Variants in EXOC6B observed in about 807,000 individuals in gnomAD.
The protein encoded by EXOC6B is exocyst complex component 6B, also known as SEC15 homolog B.
EXOC6B carries 54 observed loss-of-function variants against 113.5 expected under a neutral mutation model. The ratio of observed to expected loss-of-function variants is 0.48; its 90% CI spans 0.38 to 0.60. EXOC6B has a LOEUF of 0.60. Ranked by LOEUF, EXOC6B falls within the 20% of genes least tolerant of loss-of-function variation. The probability of loss-of-function intolerance (pLI) is 0.00; values close to 1 mark genes in which losing one functional copy is unlikely to be tolerated. For missense variants in EXOC6B, 797 were observed against 977.5 expected (o/e 0.82, Z 2.46); for synonymous variants, 357 against 339.0 (o/e 1.05, Z -0.58).
chr2:72,469,818 T>C (rs1458457068), intron 17 of EXOC6B, among the ~76,000 whole-genome samples: 5 of 152,124 alleles, frequency 3.3e-5, no homozygotes, highest in Admixed American at 6.5e-5. Context: ...TTCTGCCTCC[T>C]GGATTTGTCA....
intron 16 of EXOC6B, among the ~76,000 whole-genome samples, chr2:72,487,106 T>A (rs1417994239): frequency 6.6e-6 from 1 of 152,202 alleles, no homozygotes; most frequent in Non-Finnish European, 1.5e-5. Flanking sequence ...GCTTCCCTTA[T>A]TGTTAACATC....
intron 11 of EXOC6B, among the ~76,000 whole-genome samples, chr2:72,504,382 A>G (rs1700491753): frequency 6.6e-6 from 1 of 152,162 alleles, no homozygotes; most frequent in Admixed American, 6.5e-5. Context: ...TTCTCTCAAC[A>G]TTATATAAGT....
At position 72,575,610 on chromosome 2, in the gene EXOC6B, T is replaced by G; in HGVS notation, c.728A>C (p.Lys243Thr). The G allele has an allele frequency of 6.2e-7, 1 of 1,610,364 alleles. No individual in the cohort carries two copies. Among genetic ancestry groups the G allele is most frequent in the Non-Finnish European group, 8.5e-7 (1 of 1,178,528 alleles). The change falls in exon 7 of 22, where the codon AAG becomes ACG. Residue 243 changes from lysine (K) to threonine (T), a missense_variant. Transcript: ENST00000272427. ...ATATGCATCTTTCTTAGATTTCCTC[T>G]TGCTACCTATTCTGGGTTGTTGCAA... is the stretch of plus-strand genomic sequence containing the variant. Reference protein sequence around the residue: ...IVLQQPRIGSKRKSKKDAYII... With the variant: ...IVLQQPRIGSTRKSKKDAYII...
intron 18 of EXOC6B, among the ~76,000 whole-genome samples, chr2:72,420,988 T>C (rs1263415859): frequency 1.3e-5 from 2 of 152,310 alleles, no homozygotes; most frequent in African/African-American, 4.8e-5. Context: ...TAATGGCCAT[T>C]GATGATGAGC....
intron 1 of EXOC6B, among the ~76,000 whole-genome samples, chr2:72,768,542 T>A (rs1286352785): frequency 6.6e-6 from 1 of 151,844 alleles, no homozygotes; most frequent in Admixed American, 6.6e-5. Flanking sequence ...AGACCTCAGG[T>A]GATCCCCCCG....
At chr2:72,498,413 T>C (rs1700149203) in intron 13 of EXOC6B, 41 bp downstream of exon 13, 2 of 1,410,266 alleles carry the variant, frequency 1.4e-6, no homozygotes, top group Non-Finnish European at 2.0e-6. Context: ...TACACTAATG[T>C]ACATGAACAC....
intron 16 of EXOC6B, among the ~76,000 whole-genome samples, chr2:72,485,388 G>GA (rs1386485780): frequency 6.6e-6 from 1 of 152,154 alleles, no homozygotes; most frequent in African/African-American, 2.4e-5. Context: ...AAGAAAATGA[G>GA]AAGTCACACT....
At position 72,671,551 on chromosome 2, in the gene EXOC6B, C is replaced by T. The variant is rs116630237; in HGVS notation, c.669+46552G>A. 4.7e-3 allele frequency among the ~76,000 whole-genome samples: 720 copies of T among 151,634 alleles called. 5 individuals are homozygous for T. Among genetic ancestry groups the T allele is most frequent in the African/African-American group, 0.016 (662 of 41,340 alleles). The stretch of plus-strand genomic sequence containing the variant: ...CTCTACTAAAAAAAAATAAGTAATT[C>T]GCCGGGCGTGGTGGTGGGTGCCTGT... On this transcript the variant is annotated intron_variant, in intron 6 of 21. Coordinates refer to ENST00000272427, the MANE Select transcript of EXOC6B (RefSeq NM_015189.3).
chr2:72,187,118 T>G (rs900584173), intron 20 of EXOC6B, among the ~76,000 whole-genome samples: 4 of 152,122 alleles, frequency 2.6e-5, no homozygotes, highest in Admixed American at 1.3e-4. Flanking sequence ...ACCAATTCTC[T>G]GTGAGAATGC....
chr2:72,239,679 C>T (rs1682183240), intron 20 of EXOC6B, among the ~76,000 whole-genome samples: 1 of 152,146 alleles, frequency 6.6e-6, no homozygotes, highest in African/African-American at 2.4e-5. Context: ...TTAAGATCAG[C>T]TTATCAATTT....
intron 6 of EXOC6B, among the ~76,000 whole-genome samples, chr2:72,662,121 G>A (rs1675067856): frequency 7.5e-6 from 1 of 133,552 alleles, no homozygotes; most frequent in Non-Finnish European, 1.6e-5. Context: ...GGGGGGAGGG[G>A]GGAAAGGAAG....
chr2:72,518,516 GT>G (rs1701328870), intron 8 of EXOC6B, among the ~76,000 whole-genome samples: 2 of 151,544 alleles, frequency 1.3e-5, no homozygotes, highest in Non-Finnish European at 2.9e-5. Context: ...GTGTGTGTGT[GT>G]GTGGTGGGTG....
intron 5 of EXOC6B, among the ~76,000 whole-genome samples, chr2:72,728,987 A>G (rs1245925812): frequency 6.6e-6 from 1 of 152,098 alleles, no homozygotes; most frequent in Non-Finnish European, 1.5e-5. Flanking sequence ...GAGGGTAGAT[A>G]TTTTTATCTA....
chr2:72,699,090 A>G (rs1197114523), intron 6 of EXOC6B, among the ~76,000 whole-genome samples: 1 of 152,214 alleles, frequency 6.6e-6, no homozygotes, highest in Non-Finnish European at 1.5e-5. Flanking sequence ...TACATTCTCA[A>G]AAAGTTTACA....
At chr2:72,688,544 G>T (rs1311890714) in intron 6 of EXOC6B, among the ~76,000 whole-genome samples, 1 of 152,048 alleles carries the variant, frequency 6.6e-6, no homozygotes, top group Non-Finnish European at 1.5e-5. Flanking sequence ...CAGGGGCAGG[G>T]GCAGGGGCAG....
chr2:72,468,480 A>G (rs1432017834), intron 17 of EXOC6B, among the ~76,000 whole-genome samples: 1 of 152,122 alleles, frequency 6.6e-6, no homozygotes, highest in African/African-American at 2.4e-5. Context: ...GGATTATGTC[A>G]GGGTTATTTT....
At chr2:72,462,879 A>G (rs1697790674) in intron 18 of EXOC6B, 1 of 152,112 alleles carries the variant, frequency 6.6e-6, no homozygotes, top group Non-Finnish European at 1.5e-5. Context: ...ATGAAAATAA[A>G]TGTTTTATTG....
At chr2:72,379,245 AATTT>A (rs1189496407) in intron 19 of EXOC6B, among the ~76,000 whole-genome samples, 2 of 152,206 alleles carry the variant, frequency 1.3e-5, no homozygotes, top group Non-Finnish European at 2.9e-5. Context: ...AGAAAAATAA[AATTT>A]ATTTGTTTAA....
At chr2:72,273,057 G>A (rs978175712) in intron 20 of EXOC6B, among the ~76,000 whole-genome samples, 3 of 152,070 alleles carry the variant, frequency 2.0e-5, no homozygotes, top group Non-Finnish European at 4.4e-5. Flanking sequence ...ATCTAGGTGT[G>A]ATAAACTATA....
Sources: gnomAD v4.1 joint callset for allele counts (sites outside exome capture counted in the v4.1 genomes callset) on GRCh38, gnomAD v4.1.1 for gene constraint, MANE v1.5 for transcripts, NCBI Gene and HGNC (gene_info 2026-07-23, HGNC 2026-07-21) for gene names.